Variants in ADH1C observed in about 807,000 individuals in gnomAD.
ADH1C encodes alcohol dehydrogenase 1C.
In ADH1C, 26 loss-of-function variants were observed where a neutral mutation model predicts 35.0. That is an observed-to-expected ratio of 0.74 (90% CI 0.54 to 1.03). The LOEUF (loss-of-function observed/expected upper bound fraction) is 1.03, where lower values mean the gene tolerates loss of function less well. Ranked by LOEUF, ADH1C falls within the 50% of genes least tolerant of loss-of-function variation. The pLI is 0.00. For missense variants in ADH1C, 413 were observed against 465.4 expected (o/e 0.89, Z 1.04); for synonymous variants, 170 against 169.3 (o/e 1.00, Z -0.03).
chr4:99,339,667 G>A lies in ADH1C; in HGVS notation c.1013C>T (p.Ala338Val), dbSNP rs1734368863. The A allele has an allele frequency of 6.2e-7, 1 of 1,611,546 alleles. No homozygotes were observed. The highest frequency in any genetic ancestry group is 1.3e-5 in the African/African-American group (1 of 74,680). The change falls in exon 8 of 9, where the codon GCT (alanine) becomes GTT (valine). Residue 338 changes from alanine (A) to valine (V), a missense_variant. Ala to Val is a moderately conservative substitution (Grantham distance 64). Coordinates refer to ENST00000515683, the MANE Select transcript of ADH1C (RefSeq NM_000669.5). ...SVPKLVADFM[A>V]KKFSLDALIT... is the part of the protein sequence containing the mutation. ...TAATGCATCCAGTGAAAACTTCTTA[G>A]CCATAAAGTCAGCCACAAGTTTGGG...
intron 1 of ADH1C, among the ~76,000 whole-genome samples, chr4:99,349,596 C>T (rs903569096): frequency 6.6e-6 from 1 of 152,168 alleles, no homozygotes; most frequent in African/African-American, 2.4e-5. Context: ...ATTTACCTTC[C>T]TGCTTAGGAT....
rs1011692024 is a variant in ADH1C, at chr4:99,347,991, T to C, written c.19-145A>G. ...CATAGAAATGAAGTCCTCTGGTTTA[T>C]AAAGAGAATAAGAGTATCTTTTAAA... On this transcript the variant is annotated intron_variant, in intron 1 of 8. Coordinates refer to ENST00000515683, the MANE Select transcript of ADH1C (RefSeq NM_000669.5). 1.1e-5 allele frequency: 9 copies of C among 855,462 alleles called. No individual in the cohort carries two copies. In the African/African-American group the frequency reaches 1.2e-4, roughly 11 times the overall value. The allele number at this position is 855,462 out of a possible 1,614,324, so 53.0% of individuals were successfully genotyped here.
chr4:99,351,621 G>A (rs1734681333), intron 1 of ADH1C, among the ~76,000 whole-genome samples: 1 of 152,208 alleles, frequency 6.6e-6, no homozygotes, highest in Non-Finnish European at 1.5e-5. Context: ...AAAGTAAAGT[G>A]AAGTGGTGTA....
chr4:99,339,643 A>G lies in ADH1C; in HGVS notation c.1037T>C (p.Leu346Ser). Residue 346 changes from leucine (L) to serine (S), a missense_variant, in exon 8 of 9, where the codon TTA becomes TCA. Coordinates refer to ENST00000515683, the MANE Select transcript of ADH1C (RefSeq NM_000669.5). ...TTCAAAAGGTAAAATATTTGTTATT[A>G]ATGCATCCAGTGAAAACTTCTTAGC... ...FMAKKFSLDA[L>S]ITNILPFEKI... 6.2e-7 allele frequency: 1 copy of G among 1,611,916 alleles called. No individual in the cohort carries two copies. The highest frequency in any genetic ancestry group is 8.5e-7 in the Non-Finnish European group (1 of 1,178,672).
chr4:99,347,893 C>G, intron 1 of ADH1C, 47 bp from the exon 2 acceptor site: 1 of 1,604,208 alleles, frequency 6.2e-7, no homozygotes. Context: ...CCCACGCTTG[C>G]AGTCAGAAAT....
intron 3 of ADH1C, 117 bp from the exon 4 acceptor site, chr4:99,345,383 G>A (rs1579532509): frequency 9.1e-7 from 1 of 1,095,102 alleles, no homozygotes; most frequent in East Asian, 2.6e-5. Flanking sequence ...CTAAGAAATA[G>A]GGTCTAGTCA....
intron 6 of ADH1C, among the ~76,000 whole-genome samples, chr4:99,341,140 C>A (rs1734405701): frequency 6.6e-6 from 1 of 152,060 alleles, no homozygotes; most frequent in African/African-American, 2.4e-5. Flanking sequence ...AGTATATCAC[C>A]AAAATTAGTC....
intron 2 of ADH1C, 141 bp downstream of exon 2, chr4:99,347,604 C>A: frequency 2.4e-6 from 2 of 818,660 alleles, no homozygotes; most frequent in Non-Finnish European, 3.6e-6. Flanking sequence ...ACAATTTATA[C>A]TTTCCTTGAC....
At chr4:99,337,576 G>T (rs1050679175) in intron 8 of ADH1C, among the ~76,000 whole-genome samples, 2 of 151,910 alleles carry the variant, frequency 1.3e-5, no homozygotes, top group Admixed American at 6.6e-5. Context: ...TTGCGACTGA[G>T]AATTTTATAT....
At chr4:99,347,621 T>C in intron 2 of ADH1C, 124 bp downstream of exon 2, 1 of 1,098,100 alleles carries the variant, frequency 9.1e-7, no homozygotes, top group Non-Finnish European at 1.3e-6. Context: ...TGACAACAAA[T>C]GTAATTTTAT....
intron 1 of ADH1C, among the ~76,000 whole-genome samples, chr4:99,352,331 T>C (rs930449053): frequency 6.6e-6 from 1 of 152,224 alleles, no homozygotes; most frequent in African/African-American, 2.4e-5. Flanking sequence ...AAATCAGTCA[T>C]GATTAGCTTG....
Position 99,336,620 on chromosome 4 carries a change from G to A in ADH1C, c.*132C>T. On this transcript the variant is annotated 3_prime_UTR_variant, in exon 9 of 9. Coordinates refer to ENST00000515683, the MANE Select transcript of ADH1C (RefSeq NM_000669.5). ...TTTCCCATCAATTTCCATTTCTTTG[G>A]AAAGCTCCCACGTGTAATTTATTTT... is the stretch of plus-strand genomic sequence containing the variant. 1 of 1,120,276 alleles carries A rather than the reference G, an allele frequency of 8.9e-7. No homozygotes were observed. Among genetic ancestry groups the A allele is most frequent in the Non-Finnish European group, 1.3e-6 (1 of 773,556 alleles). The allele number at this position is 1,120,276 out of a possible 1,614,324, so 69.4% of individuals were successfully genotyped here.
chr4:99,345,202 T>C lies in ADH1C; in HGVS notation c.324A>G (p.Glu108=). The change falls in exon 4 of 9, where the codon GAA becomes GAG. Residue 108 remains glutamate (E), a synonymous_variant. Coordinates refer to ENST00000515683, the MANE Select transcript of ADH1C (RefSeq NM_000669.5). ...ACTCATTTTTCAAGCAGTAGTTGCT[T>C]TCTGGGTTTTTACAAATTCTGCATT... ...CGKCRICKNP[E]SNYCLKNDLG... 1 of 1,614,058 alleles carries C rather than the reference T, an allele frequency of 6.2e-7. No homozygotes were observed. Among genetic ancestry groups the C allele is most frequent in the Non-Finnish European group, 8.5e-7 (1 of 1,179,936 alleles).
rs67420531 is a variant in ADH1C, at chr4:99,336,772, G to C, written c.1108C>G (p.Arg370Gly). The C allele has an allele frequency of 1.2e-6, 2 of 1,613,618 alleles. No individual in the cohort carries two copies. The highest frequency in any genetic ancestry group is 1.7e-6 in the Non-Finnish European group (2 of 1,179,698). The change falls in exon 9 of 9, where the codon CGT (arginine) becomes GGT (glycine). Residue 370 changes from arginine (R) to glycine (G), a missense_variant. Coordinates refer to ENST00000515683, the MANE Select transcript of ADH1C (RefSeq NM_000669.5). ...FDLLRSGKSI[R>G]TVLTF ...TTGTTTCAAAACGTCAGGACGGTAC[G>C]GATACTGCAATAGGAAAGAAGAGAC...
At chr4:99,343,982 A>G (rs560066238) in intron 5 of ADH1C, among the ~76,000 whole-genome samples, 1 of 152,276 alleles carries the variant, frequency 6.6e-6, no homozygotes, top group South Asian at 2.1e-4. Context: ...ATTCAATACT[A>G]TGGGGGACAA....
intron 7 of ADH1C, among the ~76,000 whole-genome samples, chr4:99,340,347 G>A (rs1734382712): frequency 6.6e-6 from 1 of 152,160 alleles, no homozygotes; most frequent in South Asian, 2.1e-4. Flanking sequence ...CTGTGAGGTG[G>A]AGGTTGCAGT....
intron 1 of ADH1C, among the ~76,000 whole-genome samples, chr4:99,351,749 G>A (rs1361802785): frequency 6.6e-6 from 1 of 152,148 alleles, no homozygotes; most frequent in Non-Finnish European, 1.5e-5. Context: ...ATCATAGTGA[G>A]GTGTTTTATT....
chr4:99,341,251 G>A (rs1789904), intron 6 of ADH1C, among the ~76,000 whole-genome samples: 35,397 of 152,022 alleles, frequency 0.23, 4,901 homozygotes, highest in Non-Finnish European at 0.31. Flanking sequence ...ATGTATATTG[G>A]TTTTACATTA....
rs1290729038 is a variant in ADH1C, at chr4:99,347,036, C to T, written c.229G>A (p.Val77Ile). 1 of 1,614,112 alleles carries T rather than the reference C, an allele frequency of 6.2e-7. No individual in the cohort carries two copies. The highest frequency in any genetic ancestry group is 1.7e-5 in the Admixed American group (1 of 60,018). The part of the protein sequence containing the change: ...GHEAAGIVES[V>I]GEGVTTVKPG... ...TTGACTGTAGTCACCCCTTCTCCAACACTTTCCACGATGCCGGCTGCCTCA... is the reference window on the plus strand; with the variant it reads ...TTGACTGTAGTCACCCCTTCTCCAATACTTTCCACGATGCCGGCTGCCTCA... The change falls in exon 3 of 9, where the codon GTT becomes ATT. Residue 77 changes from valine to isoleucine, a missense_variant. By Grantham distance (29) the Val-to-Ile change is conservative (BLOSUM62 3). Transcript: ENST00000515683.
Sources: gnomAD v4.1 joint callset for allele counts (sites outside exome capture counted in the v4.1 genomes callset) on GRCh38, gnomAD v4.1.1 for gene constraint, MANE v1.5 for transcripts, NCBI Gene and HGNC (gene_info 2026-07-23, HGNC 2026-07-21) for gene names.